Variants in MTUS1 observed in about 807,000 individuals in gnomAD.
MTUS1 encodes microtubule-associated tumor suppressor 1.
Under a neutral mutation model 120.8 loss-of-function variants are expected in MTUS1, and 109 were observed. That is an observed-to-expected ratio of 0.90 (90% confidence interval 0.77 to 1.06). The LOEUF (loss-of-function observed/expected upper bound fraction) is 1.06. Ranked by LOEUF, MTUS1 falls within the 50% of genes least tolerant of loss-of-function variation. MTUS1 has a pLI of 0.00. For missense variants in MTUS1, 2,210 were observed against 1,486.3 expected, an observed-to-expected ratio of 1.49 and a Z score of -8.01; for synonymous variants, 737 against 550.5, an observed-to-expected ratio of 1.34 and a Z score of -4.74.
At chr8:17,746,725 A>G (rs898471106) in intron 2 of MTUS1, among the ~76,000 whole-genome samples, 2 of 152,134 alleles carry the variant, frequency 1.3e-5, no homozygotes, top group African/African-American at 4.8e-5. Flanking sequence ...ACTCTACTTA[A>G]CTTACTAACA....
At chr8:17,689,478 T>C (rs1023928810) in intron 6 of MTUS1, among the ~76,000 whole-genome samples, 3 of 152,196 alleles carry the variant, frequency 2.0e-5, no homozygotes, top group African/African-American at 7.2e-5. Flanking sequence ...TATAAAATTT[T>C]TCCTGAAGCA....
At position 17,675,268 on chromosome 8, in the gene MTUS1, A is replaced by G. The variant is rs1163805744; in HGVS notation, c.2839-16T>C. On this transcript the variant is annotated splice_polypyrimidine_tract_variant and intron_variant, in intron 7 of 14. Transcript: ENST00000693296. The stretch of plus-strand genomic sequence containing the variant: ...CTTCCTCCCGCTGCGGAAAACACAC[A>G]TCAAGTTACTCATGCTTTCAAGAGG... 2 of 1,613,324 alleles carry G rather than the reference A, an allele frequency of 1.2e-6. No individual in the cohort carries two copies. Among genetic ancestry groups the G allele is most frequent in the African/African-American group, 2.7e-5 (2 of 74,926 alleles).
At chr8:17,655,640 C>A (rs1451671478) in intron 9 of MTUS1, among the ~76,000 whole-genome samples, 1 of 152,154 alleles carries the variant, frequency 6.6e-6, no homozygotes, top group Non-Finnish European at 1.5e-5. Context: ...AGGAGAATCA[C>A]TTGAACCCGG....
chr8:17,646,256 A>C, intron 14 of MTUS1, 117 bp from the exon 15 acceptor site: 3 of 1,118,334 alleles, frequency 2.7e-6, no homozygotes, highest in East Asian at 2.6e-5. Context: ...ATAAAACAGA[A>C]TCCTGCACAA....
At chr8:17,725,640 C>T (rs2046178764) in intron 3 of MTUS1, among the ~76,000 whole-genome samples, 1 of 152,152 alleles carries the variant, frequency 6.6e-6, no homozygotes, top group Admixed American at 6.6e-5. Flanking sequence ...TGTTAATCTC[C>T]TAAATGTGAA....
At chr8:17,793,717 A>C (rs114581070) in intron 1 of MTUS1, among the ~76,000 whole-genome samples, 4,294 of 152,266 alleles carry the variant, frequency 0.028, 217 homozygotes, top group African/African-American at 0.097. Flanking sequence ...TTCCTTCTTA[A>C]TCCTTTTGGT....
intron 3 of MTUS1, among the ~76,000 whole-genome samples, chr8:17,730,573 G>A (rs1224789897): frequency 6.6e-6 from 1 of 151,548 alleles, no homozygotes; most frequent in Non-Finnish European, 1.5e-5. Context: ...TAGCCAAAAT[G>A]TGGAAGCAAC....
At chr8:17,728,805 CT>C (rs1395682058) in intron 3 of MTUS1, among the ~76,000 whole-genome samples, 1 of 151,938 alleles carries the variant, frequency 6.6e-6, no homozygotes, top group Non-Finnish European at 1.5e-5. Context: ...GAGGGTGAGG[CT>C]TTTTTAGCAT....
intron 7 of MTUS1, among the ~76,000 whole-genome samples, chr8:17,682,097 G>C (rs528033655): frequency 5.9e-5 from 9 of 152,194 alleles, no homozygotes; most frequent in Non-Finnish European, 1.0e-4. Flanking sequence ...ATCAGCTGTA[G>C]ATAAGGGAGA....
chr8:17,767,708 A>AAAAACAAACAAACAAACAAACAAAC (rs2049658937), intron 1 of MTUS1, among the ~76,000 whole-genome samples: 2 of 125,282 alleles, frequency 1.6e-5, no homozygotes, highest in African/African-American at 2.9e-5. Flanking sequence ...CTTAAAAAAA[A>AAAAACAAACAAACAAACAAACAAAC]AAAAAAAAAA....
In MTUS1 at chr8:17,754,846, T is replaced by C; in HGVS notation, c.962A>G (p.Glu321Gly). 5 of 1,614,248 alleles carry C rather than the reference T, an allele frequency of 3.1e-6. No homozygotes were observed. Among genetic ancestry groups the C allele is most frequent in the Non-Finnish European group, 4.2e-6 (5 of 1,180,050 alleles). The change falls in exon 2 of 15, where the codon GAA becomes GGA. Residue 321 changes from glutamate to glycine, a missense_variant. Transcript: ENST00000693296. ...FCLSHDESNS[E>G]PHSQSSYRHK... ...CCTGTATGAGCTCTGTGAATGTGGT[T>C]CGCTATTGGATTCATCATGGGATAA...
At chr8:17,671,146 C>T (rs1021288648) in intron 8 of MTUS1, among the ~76,000 whole-genome samples, 4 of 151,840 alleles carry the variant, frequency 2.6e-5, no homozygotes, top group African/African-American at 2.4e-5. Context: ...TTTAAAAAAT[C>T]GTAGTATGAA....
At chr8:17,669,905 G>A (rs1811669725) in intron 8 of MTUS1, among the ~76,000 whole-genome samples, 1 of 152,196 alleles carries the variant, frequency 6.6e-6, no homozygotes, top group African/African-American at 2.4e-5. Context: ...TCTAAGTACA[G>A]ATCCTGGCCG....
At chr8:17,703,274 G>A (rs1000557536) in intron 6 of MTUS1, among the ~76,000 whole-genome samples, 1 of 152,088 alleles carries the variant, frequency 6.6e-6, no homozygotes, top group African/African-American at 2.4e-5. Context: ...AAGACCCTAG[G>A]AAAAGAATTG....
chr8:17,678,183 T>C lies in MTUS1; in HGVS notation c.2839-2931A>G, dbSNP rs546961623. On this transcript the variant is annotated intron_variant, in intron 7 of 14. Transcript: ENST00000693296. ...CTGGTAGCTTGGCCTTTACATGTAC[T>C]TACCCTTTACTTGTAGATGATAAAA... 9.2e-5 allele frequency among the ~76,000 whole-genome samples: 14 copies of C among 152,302 alleles called. No individual in the cohort carries two copies. In the East Asian group the frequency reaches 2.5e-3, roughly 27 times the overall value.
At chr8:17,778,042 G>T (rs1005837681) in intron 1 of MTUS1, among the ~76,000 whole-genome samples, 1 of 152,144 alleles carries the variant, frequency 6.6e-6, no homozygotes, top group African/African-American at 2.4e-5. Flanking sequence ...TGGAGCTGTG[G>T]GTCACTGATG....
At chr8:17,712,226 C>CTT (rs894929796) in intron 6 of MTUS1, among the ~76,000 whole-genome samples, 60 of 152,294 alleles carry the variant, frequency 3.9e-4, no homozygotes, top group African/African-American at 1.4e-3. Flanking sequence ...CTGATTTGCT[C>CTT]TTCTAATCTG....
At chr8:17,682,517 CAAAAAAAAA>C (rs55901871) in intron 7 of MTUS1, among the ~76,000 whole-genome samples, 1 of 114,994 alleles carries the variant, frequency 8.7e-6, no homozygotes. Context: ...GACTCCATCC[CAAAAAAAAA>C]AAAAAAAAAA....
chr8:17,725,965 T>A (rs2046202878), intron 3 of MTUS1, among the ~76,000 whole-genome samples: 1 of 152,084 alleles, frequency 6.6e-6, no homozygotes, highest in East Asian at 1.9e-4. Context: ...CAATGTGGGG[T>A]TGATCCCTAC....
Sources: gnomAD v4.1 joint callset for allele counts (sites outside exome capture counted in the v4.1 genomes callset) on GRCh38, gnomAD v4.1.1 for gene constraint, MANE v1.5 for transcripts, NCBI Gene and HGNC (gene_info 2026-07-23, HGNC 2026-07-21) for gene names.